The following ALK variants were observed in gnomAD, a reference collection of about 807,000 sequenced individuals.
ALK encodes the protein ALK tyrosine kinase receptor.
A neutral mutation model predicts 163.1 loss-of-function variants in ALK; 74 were observed. The ratio of observed to expected loss-of-function variants is 0.45; its 90% CI spans 0.38 to 0.55. ALK has a LOEUF of 0.55. Ranked by LOEUF, ALK falls within the 20% of genes least tolerant of loss-of-function variation. ALK has a pLI of 0.00. For missense variants in ALK, 2,063 were observed against 2,105.3 expected, an observed-to-expected ratio of 0.98 and a Z score of 0.39; for synonymous variants, 960 against 843.2, an observed-to-expected ratio of 1.14 and a Z score of -2.40.
intron 3 of ALK, among the ~76,000 whole-genome samples, chr2:29,642,344 A>T (rs1676727708): frequency 6.6e-6 from 1 of 152,178 alleles, no homozygotes; most frequent in Admixed American, 6.5e-5. Flanking sequence ...TGAGCTTTGA[A>T]TGCAATTCGG....
chr2:29,758,021 T>C (rs1680587926), intron 1 of ALK, among the ~76,000 whole-genome samples: 1 of 146,166 alleles, frequency 6.8e-6, no homozygotes, highest in Admixed American at 6.8e-5. Context: ...TTTTTTTTTT[T>C]TTTTTTTGAG....
chr2:29,568,483 A>G (rs1014138343), intron 3 of ALK, among the ~76,000 whole-genome samples: 1 of 152,190 alleles, frequency 6.6e-6, no homozygotes, highest in Non-Finnish European at 1.5e-5. Context: ...CAGGAATTCA[A>G]ATGTCTAGTG....
At chr2:29,330,894 C>T (rs1462769561) in intron 5 of ALK, among the ~76,000 whole-genome samples, 2 of 152,196 alleles carry the variant, frequency 1.3e-5, no homozygotes, top group Admixed American at 6.5e-5. Context: ...CCTGGCCTGC[C>T]TGACATGACT....
At chr2:29,421,965 C>G (rs1670026958) in intron 4 of ALK, among the ~76,000 whole-genome samples, 1 of 151,548 alleles carries the variant, frequency 6.6e-6, no homozygotes. Flanking sequence ...CTCTCTTTTT[C>G]TTAACCTCCA....
chr2:29,295,245 T>C lies in ALK; in HGVS notation c.1817+1643A>G, dbSNP rs555916563. Among the ~76,000 whole-genome samples, 15 of 152,218 alleles carry C rather than the reference T, an allele frequency of 9.9e-5. No homozygotes were observed. In the South Asian group the frequency reaches 3.1e-3, roughly 32 times the overall value. On this transcript the variant is annotated intron_variant, in intron 9 of 28. Coordinates refer to ENST00000389048, the MANE Select transcript of ALK (RefSeq NM_004304.5). ...GAACGAAGTCTCCTTCAAATGAAACTCTAGAGGATGAGAGTGAACCGAGTC... is the reference window on the plus strand; with the variant it reads ...GAACGAAGTCTCCTTCAAATGAAACCCTAGAGGATGAGAGTGAACCGAGTC...
chr2:29,710,347 G>A (rs1259897477), intron 2 of ALK, among the ~76,000 whole-genome samples: 3 of 152,098 alleles, frequency 2.0e-5, no homozygotes, highest in African/African-American at 7.2e-5. Flanking sequence ...TAACACAGGT[G>A]ACTATACCAT....
chr2:29,603,479 C>T (rs1016594448), intron 3 of ALK, among the ~76,000 whole-genome samples: 1 of 152,154 alleles, frequency 6.6e-6, no homozygotes, highest in Admixed American at 6.5e-5. Flanking sequence ...GTTTTGTCAG[C>T]CTTCAGGTCT....
intron 4 of ALK, among the ~76,000 whole-genome samples, chr2:29,425,164 GA>G (rs987795538): frequency 2.0e-5 from 3 of 151,906 alleles, no homozygotes; most frequent in South Asian, 2.1e-4. Context: ...TATAGCAAAT[GA>G]AAAAAAATTA....
At chr2:29,536,646 T>G (rs1474603179) in intron 3 of ALK, among the ~76,000 whole-genome samples, 1 of 152,172 alleles carries the variant, frequency 6.6e-6, no homozygotes, top group African/African-American at 2.4e-5. Context: ...ACTTTGGAAC[T>G]GAGTAACGGG....
chr2:29,289,701 G>T (rs973484266), intron 9 of ALK, among the ~76,000 whole-genome samples: 1 of 152,166 alleles, frequency 6.6e-6, no homozygotes, highest in Non-Finnish European at 1.5e-5. Context: ...TCCAACTTTG[G>T]AGCCTGCAGG....
chr2:29,271,065 C>T (rs1665371005), intron 11 of ALK, among the ~76,000 whole-genome samples: 1 of 152,162 alleles, frequency 6.6e-6, no homozygotes, highest in Non-Finnish European at 1.5e-5. Flanking sequence ...AAGAGGCCTC[C>T]TCTATTGGGG....
intron 3 of ALK, among the ~76,000 whole-genome samples, chr2:29,540,484 G>C (rs113706769): frequency 6.6e-6 from 1 of 151,532 alleles, no homozygotes; most frequent in Non-Finnish European, 1.5e-5. Context: ...TGAATAATCA[G>C]GCCAAATATT....
intron 1 of ALK, among the ~76,000 whole-genome samples, chr2:29,813,281 C>G (rs1005867522): frequency 1.3e-5 from 2 of 152,094 alleles, no homozygotes; most frequent in Non-Finnish European, 2.9e-5. Flanking sequence ...ATGTCTTTTC[C>G]AGGTGTCCTC....
rs2148178785 is a variant in ALK at position 29,227,088 on chromosome 2, G to A, written c.2915-14C>T. The A allele has an allele frequency of 6.2e-7, 1 of 1,614,102 alleles. No homozygotes were observed. The highest frequency in any genetic ancestry group is 1.7e-5 in the Admixed American group (1 of 60,016). On this transcript the variant is annotated splice_polypyrimidine_tract_variant and intron_variant, in intron 17 of 28. Transcript: ENST00000389048. This position sits in a 1 kb window ranked among gnomAD's most constrained non-coding sequence, Gnocchi z 4.4. ...GGCCTTCCATCACTAGTGACAAGGAGGGAGGGTCAGTCTTGGGCCGAGCCT... is the reference window on the plus strand; with the variant it reads ...GGCCTTCCATCACTAGTGACAAGGAAGGAGGGTCAGTCTTGGGCCGAGCCT...
chr2:29,336,330 A>T (rs908853701), intron 5 of ALK, among the ~76,000 whole-genome samples: 1 of 152,152 alleles, frequency 6.6e-6, no homozygotes, highest in Non-Finnish European at 1.5e-5. Context: ...GCTGTTGTTA[A>T]TGACTCTCCC....
intron 4 of ALK, among the ~76,000 whole-genome samples, chr2:29,508,284 G>C (rs1188955305): frequency 6.6e-6 from 1 of 152,172 alleles, no homozygotes; most frequent in Non-Finnish European, 1.5e-5. Flanking sequence ...ACTGAAAGTG[G>C]TCTGTTCAGA....
chr2:29,667,732 A>G (rs539567461), intron 3 of ALK, among the ~76,000 whole-genome samples: 1 of 151,906 alleles, frequency 6.6e-6, no homozygotes, highest in Non-Finnish European at 1.5e-5. Context: ...TTCATCAGGG[A>G]TATTTGCCTG....
intron 9 of ALK, among the ~76,000 whole-genome samples, chr2:29,289,107 G>T (rs1364431679): frequency 6.6e-6 from 1 of 152,054 alleles, no homozygotes; most frequent in African/African-American, 2.4e-5. Flanking sequence ...ATAAACTAAG[G>T]TCATTAAAAT....
At chr2:29,885,463 C>T (rs1033881744) in intron 1 of ALK, among the ~76,000 whole-genome samples, 1 of 151,648 alleles carries the variant, frequency 6.6e-6, no homozygotes, top group Non-Finnish European at 1.5e-5. Context: ...AAGCCCAAAA[C>T]AATCAATTCC....
Sources: allele counts gnomAD v4.1 joint callset (sites outside exome capture counted in the v4.1 genomes callset), GRCh38; gene constraint gnomAD v4.1.1; non-coding constraint Gnocchi (gnomAD v3.1); transcripts MANE v1.5; gene names NCBI Gene and HGNC (gene_info 2026-07-23, HGNC 2026-07-21).